Variants in HHAT observed in about 807,000 individuals in gnomAD.
The protein encoded by HHAT is hedgehog acyltransferase, also known as protein-cysteine N-palmitoyltransferase HHAT.
A neutral mutation model predicts 70.8 loss-of-function variants in HHAT; 47 were observed. That is an observed-to-expected ratio of 0.66 (90% CI 0.53 to 0.85). The LOEUF is 0.85. Among genes scored for constraint, HHAT ranks in the 40% least tolerant of loss-of-function variants. HHAT has a pLI of 0.00. For missense variants in HHAT, 609 were observed against 604.8 expected (o/e 1.01, Z -0.07); for synonymous variants, 228 against 247.6 (o/e 0.92, Z 0.74).
chr1:210,488,043 G>A (rs2094498668), intron 8 of HHAT, among the ~76,000 whole-genome samples: 1 of 152,146 alleles, frequency 6.6e-6, no homozygotes, highest in African/African-American at 2.4e-5. Context: ...GCATCTGTAT[G>A]TAATTAAAAT....
chr1:210,417,989 G>A (rs538069496), intron 6 of HHAT, among the ~76,000 whole-genome samples, 165 bp from the exon 7 acceptor site: 42 of 152,244 alleles, frequency 2.8e-4, no homozygotes, highest in African/African-American at 9.2e-4. Context: ...GCTGAAATAC[G>A]ATTCTTCCAA....
chr1:210,469,957 G>A (rs369300880), intron 8 of HHAT, among the ~76,000 whole-genome samples: 1 of 152,140 alleles, frequency 6.6e-6, no homozygotes, highest in African/African-American at 2.4e-5. Flanking sequence ...AGTTCCGCAT[G>A]CATTAGGTAT....
chr1:210,442,399 A>G (rs1273546353), intron 7 of HHAT, among the ~76,000 whole-genome samples: 2 of 144,398 alleles, frequency 1.4e-5, no homozygotes, highest in Admixed American at 7.1e-5. Context: ...TGGTATTTCC[A>G]GTTCTAGATC....
At chr1:210,650,177 C>A (rs913059200) in intron 11 of HHAT, among the ~76,000 whole-genome samples, 4 of 152,160 alleles carry the variant, frequency 2.6e-5, no homozygotes, top group African/African-American at 7.2e-5. Flanking sequence ...ATTCTTGAAT[C>A]CTGTTGAATA....
intron 7 of HHAT, among the ~76,000 whole-genome samples, chr1:210,442,120 G>A (rs1010985752): frequency 6.7e-5 from 9 of 133,844 alleles, no homozygotes; most frequent in East Asian, 2.2e-4. Flanking sequence ...TTGTTCTTGC[G>A]ATAGTTTACT....
chr1:210,630,989 T>C (rs1450801473), intron 11 of HHAT: 1 of 446,632 alleles, frequency 2.2e-6, no homozygotes, highest in African/African-American at 2.0e-5. Context: ...TGTATTTTTC[T>C]GTTACAGGAG....
chr1:210,571,805 T>C (rs1317558174), intron 9 of HHAT, among the ~76,000 whole-genome samples: 1 of 152,234 alleles, frequency 6.6e-6, no homozygotes, highest in Non-Finnish European at 1.5e-5. Context: ...TATGACTTTA[T>C]TGCATGAACA....
In HHAT at chr1:210,650,268, C is replaced by G. The variant is rs186209792; in HGVS notation, c.1391-24020C>G. ...AATCCTGGTTTTAAAGATGAGAAAA[C>G]AAGAGGCTCAGAGAAGTTGGTTTAC... is the stretch of plus-strand genomic sequence containing the variant. On this transcript the variant is annotated intron_variant, in intron 11 of 11. Transcript: ENST00000261458. Among the ~76,000 whole-genome samples, 26 of 152,276 alleles carry G rather than the reference C, an allele frequency of 1.7e-4. No homozygotes were observed. In the East Asian group the frequency reaches 4.6e-3, roughly 27 times the overall value.
In HHAT at chr1:210,437,140, A is replaced by C. The variant is rs1041377815; in HGVS notation, c.856+18815A>C. ...TTTGCTGGCTCAGAGCACATTCTGT[A>C]TCCCGTGGGATAGAATCTCAACATC... On this transcript the variant is annotated intron_variant, in intron 7 of 11. Coordinates refer to ENST00000261458, the MANE Select transcript of HHAT (RefSeq NM_018194.6). Among the ~76,000 whole-genome samples the C allele has an allele frequency of 1.2e-4, 19 of 152,032 alleles. 1 individual carries two copies. The highest frequency in any genetic ancestry group is 4.6e-4 in the African/African-American group (19 of 41,278).
chr1:210,519,876 GGGTGGTATCTCATTGT>G (rs2095126281), intron 9 of HHAT, among the ~76,000 whole-genome samples: 1 of 150,554 alleles, frequency 6.6e-6, no homozygotes, highest in Non-Finnish European at 1.5e-5. Flanking sequence ...AACTGGGGTG[GGGTGGTATCTCATTGT>G]GGTTTTGATT....
At chr1:210,462,281 A>C (rs1413958286) in intron 7 of HHAT, 1 of 152,212 alleles carries the variant, frequency 6.6e-6, no homozygotes, top group East Asian at 1.9e-4. Flanking sequence ...TGATACCTTC[A>C]GTTCTTCAGG....
intron 8 of HHAT, among the ~76,000 whole-genome samples, chr1:210,506,565 C>A (rs962362275): frequency 3.9e-5 from 6 of 151,944 alleles, no homozygotes; most frequent in Non-Finnish European, 8.8e-5. Context: ...ATGAGGAAAC[C>A]CTGGTTTTCT....
chr1:210,449,918 G>T (rs1208347538), intron 7 of HHAT, among the ~76,000 whole-genome samples: 2 of 152,184 alleles, frequency 1.3e-5, no homozygotes, highest in South Asian at 4.1e-4. Flanking sequence ...AGAGGAAGTG[G>T]AGATTTCCAG....
intron 7 of HHAT, among the ~76,000 whole-genome samples, chr1:210,447,729 C>T (rs1413600941): frequency 6.6e-6 from 1 of 152,176 alleles, no homozygotes; most frequent in African/African-American, 2.4e-5. Context: ...TGTCCTGGCC[C>T]TGATTTCTTT....
intron 9 of HHAT, among the ~76,000 whole-genome samples, chr1:210,581,363 A>C (rs1458857692): frequency 2.6e-5 from 4 of 152,208 alleles, no homozygotes; most frequent in Admixed American, 6.5e-5. Flanking sequence ...AATGTGGGCC[A>C]AGGCCAAAGC....
intron 8 of HHAT, among the ~76,000 whole-genome samples, chr1:210,492,396 C>T (rs564731998): frequency 6.6e-6 from 1 of 152,278 alleles, no homozygotes; most frequent in South Asian, 2.1e-4. Flanking sequence ...TTCTATATAT[C>T]TCCTGCCTGT....
At chr1:210,529,306 A>G (rs2095287354) in intron 9 of HHAT, among the ~76,000 whole-genome samples, 1 of 101,352 alleles carries the variant, frequency 9.9e-6, no homozygotes, top group Non-Finnish European at 2.7e-5. Flanking sequence ...CTTCATCTCA[A>G]AAAAAACAAA....
At chr1:210,363,047 C>G in intron 3 of HHAT, 128 bp downstream of exon 3, 1 of 775,386 alleles carries the variant, frequency 1.3e-6, no homozygotes, top group South Asian at 1.6e-5. Context: ...CCCTTTTTGC[C>G]GTAAAGGTGT....
Position 210,387,554 on chromosome 1 carries a change from T to C in HHAT, c.246T>C (p.Ser82=). ...VWLLLGHMVV[S]QMATLLARKH... ...TTCTCCTTGGCCACATGGTAGTGTC[T>C]CAAATGGCCACACTGCTGGCAAGAA... Residue 82 remains serine, a synonymous_variant, in exon 4 of 12, where the codon TCT becomes TCC. Transcript: ENST00000261458. 6.2e-7 allele frequency: 1 copy of C among 1,613,858 alleles called. No individual in the cohort carries two copies. Among genetic ancestry groups the C allele is most frequent in the Non-Finnish European group, 8.5e-7 (1 of 1,179,770 alleles).
Sources: allele counts gnomAD v4.1 joint callset (sites outside exome capture counted in the v4.1 genomes callset), GRCh38; gene constraint gnomAD v4.1.1; transcripts MANE v1.5; gene names NCBI Gene and HGNC (gene_info 2026-07-23, HGNC 2026-07-21).